The following EFL1 variants were observed in gnomAD, a reference collection of about 807,000 sequenced individuals.
EFL1 encodes elongation factor like GTPase 1.
EFL1 carries 76 observed loss-of-function variants against 126.7 expected under a neutral mutation model. That is an observed-to-expected ratio of 0.60 (90% CI 0.50 to 0.73). EFL1 has a LOEUF of 0.73. EFL1 is among the 30% of genes least tolerant of loss of function. EFL1 has a pLI of 0.00. For synonymous variants in EFL1, 410 were observed against 448.4 expected (o/e 0.91, Z 1.08); for missense variants, 1,128 against 1,343.2 (o/e 0.84, Z 2.50).
Position 82,130,337 on chromosome 15 carries a change from T to C in EFL1, c.*36A>G. 1 of 1,593,792 alleles carries C rather than the reference T, an allele frequency of 6.3e-7. No homozygotes were observed. Among genetic ancestry groups the C allele is most frequent in the Non-Finnish European group, 8.6e-7 (1 of 1,169,576 alleles). On this transcript the variant is annotated 3_prime_UTR_variant, in exon 20 of 20. Transcript: ENST00000268206. ...TAAACCCTTGATGATACTTTTAAAT[T>C]CACTATAAGGAAAAGAATCCACCAG...
chr15:82,151,915 C>G lies in EFL1; in HGVS notation c.2539G>C (p.Val847Leu). Residue 847 changes from valine (V) to leucine (L), a missense_variant, in exon 18 of 20, where the codon GTA (valine) becomes CTA (leucine). This residue lies in a region of EFL1 where 561 missense variants were observed against 641.7 expected (regional missense o/e 0.87). Transcript: ENST00000268206. ...VNKSEDFQNS[V>L]WTGPADKASK... The stretch of plus-strand genomic sequence containing the variant: ...GCTTTGTCAGCTGGACCTGTCCATA[C>G]TGAGTTCTGAAAATCTTCACTTTTA... The G allele has an allele frequency of 1.2e-6, 2 of 1,614,114 alleles. No homozygotes were observed. Among genetic ancestry groups the G allele is most frequent in the Admixed American group, 3.3e-5 (2 of 60,014 alleles).
intron 4 of EFL1, among the ~76,000 whole-genome samples, chr15:82,244,473 A>G (rs1275828776): frequency 6.6e-6 from 1 of 152,150 alleles, no homozygotes; most frequent in Admixed American, 6.5e-5. Context: ...CTGAAGCTAT[A>G]TGTTGAATTA....
At chr15:82,191,741 G>A (rs767055462) in intron 15 of EFL1, among the ~76,000 whole-genome samples, 163 of 151,998 alleles carry the variant, frequency 1.1e-3, no homozygotes, top group Non-Finnish European at 1.4e-3. Context: ...TTTCACTCAG[G>A]GCCATCATGC....
At chr15:82,240,714 C>T (rs1300645935) in intron 5 of EFL1, among the ~76,000 whole-genome samples, 159 bp from the exon 6 acceptor site, 1 of 152,178 alleles carries the variant, frequency 6.6e-6, no homozygotes, top group Non-Finnish European at 1.5e-5. Flanking sequence ...CAAAGAACTA[C>T]ACATAAGAAA....
At chr15:82,241,202 A>C in intron 5 of EFL1, 68 bp downstream of exon 5, 1 of 1,580,296 alleles carries the variant, frequency 6.3e-7, no homozygotes, top group Non-Finnish European at 8.6e-7. Flanking sequence ...GAAATGCCTA[A>C]AGTCAGTCAG....
At position 82,151,852 on chromosome 15, in the gene EFL1, T is replaced by A; in HGVS notation, c.2602A>T (p.Ser868Cys). ...GCTAGTTGGAAGCCACTCACAATGC[T>A]ATTGCCCAAATCTCGGTATCTACTG... Reference protein sequence around the residue: ...EASRYRDLGNSIVSGFQLATL... With the variant: ...EASRYRDLGNCIVSGFQLATL... Residue 868 changes from serine (S) to cysteine (C), a missense_variant, in exon 18 of 20, where the codon AGC becomes TGC. Physicochemically the swap from Ser to Cys is moderately radical, Grantham distance 112. This residue lies in a region of EFL1 where 561 missense variants were observed against 641.7 expected (regional missense o/e 0.87). Transcript: ENST00000268206. 3.7e-6 allele frequency: 6 copies of A among 1,614,156 alleles called. No individual in the cohort carries two copies. Among genetic ancestry groups the A allele is most frequent in the Non-Finnish European group, 5.1e-6 (6 of 1,180,030 alleles).
intron 15 of EFL1, among the ~76,000 whole-genome samples, chr15:82,176,020 G>C (rs1421870670): frequency 6.6e-6 from 1 of 152,022 alleles, no homozygotes; most frequent in Non-Finnish European, 1.5e-5. Flanking sequence ...TATAATTTTT[G>C]AATTAAAGAG....
chr15:82,204,822 G>C (rs2651697), intron 15 of EFL1, among the ~76,000 whole-genome samples: 353 of 152,238 alleles, frequency 2.3e-3, no homozygotes, highest in African/African-American at 7.8e-3. Flanking sequence ...GCCCAGTGTT[G>C]GCATGACAAC....
intron 15 of EFL1, among the ~76,000 whole-genome samples, chr15:82,209,841 T>A (rs1396016159): frequency 2.6e-5 from 4 of 152,242 alleles, no homozygotes; most frequent in Admixed American, 2.0e-4. Context: ...AAATCTGGAT[T>A]TTTCAAGTGC....
Position 82,204,482 on chromosome 15 carries a change from C to T in EFL1, c.1750+10235G>A, listed in dbSNP as rs1334070191. 2.6e-5 allele frequency among the ~76,000 whole-genome samples: 4 copies of T among 152,126 alleles called. No homozygotes were observed. In the East Asian group the frequency reaches 5.8e-4, roughly 22 times the overall value. ...TTATGGGCGTAAGAGAGTATATTTC[C>T]ACCTTCTTCAAAGCCCTTTTGACAA... On this transcript the variant is annotated intron_variant, in intron 15 of 19. Transcript: ENST00000268206.
At chr15:82,164,788 T>C (rs1411762287) in intron 15 of EFL1, among the ~76,000 whole-genome samples, 1 of 151,608 alleles carries the variant, frequency 6.6e-6, no homozygotes, top group African/African-American at 2.4e-5. Context: ...TCCCAGCTAC[T>C]TGGGAGGCTG....
In EFL1 at chr15:82,152,407, T is replaced by C. The variant is rs928849150; in HGVS notation, c.2047A>G (p.Ile683Val). ...GGAATAATAGGTTCAGATACACTGA[T>C]ATGAATCTTTGCAAACCTACAGACA... ...DLKERFAKIHISVSEPIIPFR... is the reference protein window; with the variant it reads ...DLKERFAKIHVSVSEPIIPFR... The change falls in exon 18 of 20, where the codon ATC becomes GTC. Residue 683 changes from isoleucine (I) to valine (V), a missense_variant. Physicochemically the swap from Ile to Val is conservative, Grantham distance 29 (BLOSUM62 3). Transcript: ENST00000268206. The C allele has an allele frequency of 3.1e-6, 5 of 1,606,522 alleles. No individual in the cohort carries two copies. The African/African-American group carries it at 4.0e-5, about 13-fold the overall frequency.
chr15:82,130,840 T>TACAACAACA (rs61308871), intron 19 of EFL1, among the ~76,000 whole-genome samples: 1 of 150,968 alleles, frequency 6.6e-6, no homozygotes, highest in Non-Finnish European at 1.5e-5. Flanking sequence ...TCTACTAAAA[T>TACAACAACA]ACAACAACAA....
At chr15:82,260,846 A>C (rs2075106568) in intron 2 of EFL1, among the ~76,000 whole-genome samples, 1 of 152,154 alleles carries the variant, frequency 6.6e-6, no homozygotes, top group Non-Finnish European at 1.5e-5. Flanking sequence ...CTGGTCCTTC[A>C]TCTTCAGGAT....
chr15:82,181,718 C>T (rs925939838), intron 15 of EFL1, among the ~76,000 whole-genome samples: 6 of 151,794 alleles, frequency 4.0e-5, no homozygotes, highest in Admixed American at 2.6e-4. Flanking sequence ...GGCCAATGAA[C>T]GTGACACTGT....
At chr15:82,152,920 C>T (rs1461150976) in intron 17 of EFL1, among the ~76,000 whole-genome samples, 1 of 152,148 alleles carries the variant, frequency 6.6e-6, no homozygotes, top group Non-Finnish European at 1.5e-5. Context: ...TAGCATGATC[C>T]ATGAGTTTGT....
intron 16 of EFL1, among the ~76,000 whole-genome samples, chr15:82,159,152 A>ATT (rs74333836): frequency 3.5e-5 from 5 of 143,596 alleles, no homozygotes; most frequent in Middle Eastern, 3.7e-3. Context: ...GCATACTGTA[A>ATT]TTTTTTTTTT....
chr15:82,222,154 T>C (rs118142365), intron 12 of EFL1, among the ~76,000 whole-genome samples: 2,623 of 152,360 alleles, frequency 0.017, 36 homozygotes, highest in Non-Finnish European at 0.029. Flanking sequence ...AACAGGTTTA[T>C]CACTATGATC....
At chr15:82,201,614 C>G (rs1427083204) in intron 15 of EFL1, among the ~76,000 whole-genome samples, 4 of 147,600 alleles carry the variant, frequency 2.7e-5, no homozygotes, top group African/African-American at 5.0e-5. Flanking sequence ...ATTGTGTGGG[C>G]TGCTTTGTAT....
Sources: gnomAD v4.1 joint callset for allele counts (sites outside exome capture counted in the v4.1 genomes callset) on GRCh38, gnomAD v4.1.1 for gene constraint, gnomAD v4.1.1 regional missense constraint, MANE v1.5 for transcripts, NCBI Gene and HGNC (gene_info 2026-07-23, HGNC 2026-07-21) for gene names.